Variants in MPZL1 observed in about 807,000 individuals in gnomAD.
MPZL1 encodes the protein myelin protein zero like 1.
MPZL1 carries 16 observed loss-of-function variants against 29.3 expected under a neutral mutation model. The observed-to-expected ratio is 0.55, with a 90% CI of 0.37 to 0.83. MPZL1 has a LOEUF of 0.83. MPZL1 is among the 40% of genes least tolerant of loss of function. The pLI is 0.00. For synonymous variants in MPZL1, 143 were observed against 132.0 expected (o/e 1.08, Z -0.57); for missense variants, 279 against 332.9 (o/e 0.84, Z 1.26).
intron 1 of MPZL1, among the ~76,000 whole-genome samples, chr1:167,746,364 C>G (rs1348920781): frequency 6.6e-6 from 1 of 152,048 alleles, no homozygotes; most frequent in Non-Finnish European, 1.5e-5. Flanking sequence ...TTGAAAGGCT[C>G]TGTGTGCCGT....
Position 167,765,753 on chromosome 1 carries a change from A to G in MPZL1, c.258+4A>G. 1 of 1,592,424 alleles carries G rather than the reference A, an allele frequency of 6.3e-7. No individual in the cohort carries two copies. The highest frequency in any genetic ancestry group is 8.5e-7 in the Non-Finnish European group (1 of 1,170,584). ...GGGGGCCGACACTACTGTGTCGGTA[A>G]GAATGCTTGACTTCTCTTGGCTAGT... On this transcript the variant is annotated splice_donor_region_variant and intron_variant, in intron 2 of 5. Transcript: ENST00000359523.
chr1:167,787,482 A>G (rs1340855930), intron 5 of MPZL1, among the ~76,000 whole-genome samples: 1 of 152,152 alleles, frequency 6.6e-6, no homozygotes, highest in Non-Finnish European at 1.5e-5. Context: ...TCTTACCCCA[A>G]TTGTAAGAGC....
At chr1:167,773,195 G>C in intron 3 of MPZL1, 41 bp from the exon 4 acceptor site, 8 of 1,584,872 alleles carry the variant, frequency 5.0e-6, no homozygotes, top group Non-Finnish European at 6.0e-6. Context: ...TTTTCTCTCT[G>C]TAGCAATGTA....
At position 167,739,276 on chromosome 1, in the gene MPZL1, T is replaced by TATAC. The variant is rs1245395252; in HGVS notation, c.91+17037_91+17038insCATA. On this transcript the variant is annotated intron_variant, in intron 1 of 5. Transcript: ENST00000359523. The stretch of plus-strand genomic sequence containing the variant: ...TAATACATACACATACATATATACA[T>TATAC]ATATACATATATATATATATATATA... Among the ~76,000 whole-genome samples, 71 of 87,674 alleles carry TATAC rather than the reference T, an allele frequency of 8.1e-4. 2 individuals are homozygous for TATAC. The highest frequency in any genetic ancestry group is 3.1e-3 in the Admixed American group (28 of 9,108). 57.5% of individuals were successfully genotyped at this position (87,674 alleles called of 152,430 possible).
intron 1 of MPZL1, among the ~76,000 whole-genome samples, chr1:167,722,755 C>G (rs1204783380): frequency 6.6e-6 from 1 of 152,190 alleles, no homozygotes; most frequent in Non-Finnish European, 1.5e-5. Context: ...CTTTCCCATG[C>G]TCTCATTCAG....
intron 1 of MPZL1, among the ~76,000 whole-genome samples, chr1:167,732,485 T>C (rs750448163): frequency 6.6e-6 from 1 of 152,226 alleles, no homozygotes; most frequent in Non-Finnish European, 1.5e-5. Flanking sequence ...ATGATCAGGC[T>C]GGAGTGCAGT....
rs757960465 is a variant in MPZL1, at chr1:167,765,733, C to G, written c.242C>G (p.Ala81Gly). ...TCCTGGAGCTTCCAGCCAGAGGGGG[C>G]CGACACTACTGTGTCGGTAAGAATG... ...SVSWSFQPEG[A>G]DTTVSFFHYS... Residue 81 changes from alanine (A) to glycine (G), a missense_variant, in exon 2 of 6, where the codon GCC becomes GGC. Transcript: ENST00000359523. 5.6e-6 allele frequency: 9 copies of G among 1,610,620 alleles called. No individual in the cohort carries two copies. The Admixed American group carries it at 1.5e-4, about 27-fold the overall frequency.
At chr1:167,777,774 G>C (rs1661403533) in intron 5 of MPZL1, among the ~76,000 whole-genome samples, 1 of 152,204 alleles carries the variant, frequency 6.6e-6, no homozygotes, top group Non-Finnish European at 1.5e-5. Flanking sequence ...CTAAGAGCCA[G>C]AGTAGAGAGA....
At chr1:167,785,853 C>G (rs577106692) in intron 5 of MPZL1, among the ~76,000 whole-genome samples, 1 of 152,088 alleles carries the variant, frequency 6.6e-6, no homozygotes, top group Non-Finnish European at 1.5e-5. Context: ...AGTGCAGTGG[C>G]GCTATCTTGG....
intron 5 of MPZL1, among the ~76,000 whole-genome samples, chr1:167,781,261 CA>C (rs1170378287): frequency 2.0e-5 from 3 of 152,108 alleles, no homozygotes; most frequent in African/African-American, 7.2e-5. Context: ...AGCTAATAGA[CA>C]TTTATAAAAC....
intron 3 of MPZL1, 145 bp downstream of exon 3, chr1:167,772,633 T>G: frequency 1.5e-6 from 1 of 687,664 alleles, no homozygotes; most frequent in Non-Finnish European, 2.4e-6. Context: ...AACCTGTGGC[T>G]CTACCAAACA....
At chr1:167,726,921 T>G (rs1660159798) in intron 1 of MPZL1, among the ~76,000 whole-genome samples, 1 of 152,192 alleles carries the variant, frequency 6.6e-6, no homozygotes, top group Non-Finnish European at 1.5e-5. Context: ...GGAGCCTAGA[T>G]GCTAGTGAGA....
Position 167,721,990 on chromosome 1 carries a change from G to A in MPZL1, c.-162G>A. ...GGGGCTGAGGCTTCGGTGCAGAGCT[G>A]GAGAGCCGCGGCTGGGACCGGAGTG... is the stretch of plus-strand genomic sequence containing the variant. On this transcript the variant is annotated 5_prime_UTR_variant, in exon 1 of 6. Coordinates refer to ENST00000359523, the MANE Select transcript of MPZL1 (RefSeq NM_003953.6). 1 of 1,065,758 alleles carries A rather than the reference G, an allele frequency of 9.4e-7. No individual in the cohort carries two copies. Among genetic ancestry groups the A allele is most frequent in the Non-Finnish European group, 1.2e-6 (1 of 837,244 alleles). The allele number at this position is 1,065,758 out of a possible 1,614,324, so 66.0% of individuals were successfully genotyped here. A position where few individuals can be genotyped will look rare whatever the true frequency, so the allele number is the denominator to read the frequency against.
chr1:167,766,789 G>A (rs112554223), intron 2 of MPZL1, among the ~76,000 whole-genome samples: 1 of 152,098 alleles, frequency 6.6e-6, no homozygotes, highest in Non-Finnish European at 1.5e-5. Context: ...TTCACCTGTG[G>A]CCATACCACA....
chr1:167,766,779 T>C (rs1381001205), intron 2 of MPZL1, among the ~76,000 whole-genome samples: 5 of 152,180 alleles, frequency 3.3e-5, no homozygotes, highest in East Asian at 1.9e-4. Flanking sequence ...TCAAGAGTTA[T>C]TCACCTGTGG....
Position 167,788,034 on chromosome 1 carries a change from A to AC in MPZL1, c.*114dup, listed in dbSNP as rs1661625312. 1 of 747,076 alleles carries AC rather than the reference A, an allele frequency of 1.3e-6. No individual in the cohort carries two copies. Among genetic ancestry groups the AC allele is most frequent in the Admixed American group, 2.2e-5 (1 of 46,110 alleles). 46.3% of individuals were successfully genotyped at this position (747,076 alleles called of 1,614,324 possible). On this transcript the variant is annotated 3_prime_UTR_variant, in exon 6 of 6. Coordinates refer to ENST00000359523, the MANE Select transcript of MPZL1 (RefSeq NM_003953.6). The stretch of plus-strand genomic sequence containing the variant: ...TGGAGACCCAGGCAAGGACAAGTAC[A>AC]CGTGTACTCACAGAGGGAGAGAAAG...
chr1:167,757,927 A>G (rs1349090469), intron 1 of MPZL1, among the ~76,000 whole-genome samples: 4 of 152,192 alleles, frequency 2.6e-5, no homozygotes, highest in Non-Finnish European at 5.9e-5. Flanking sequence ...AGGCAGGTGG[A>G]TCACTTGAGG....
intron 5 of MPZL1, chr1:167,786,956 A>G (rs1041743975): frequency 6.6e-6 from 1 of 152,164 alleles, no homozygotes; most frequent in African/African-American, 2.4e-5. Flanking sequence ...GCAGCCACCT[A>G]TCTGACCTCT....
intron 1 of MPZL1, among the ~76,000 whole-genome samples, chr1:167,733,979 G>A (rs576534787): frequency 5.9e-5 from 9 of 152,188 alleles, no homozygotes; most frequent in African/African-American, 1.2e-4. Flanking sequence ...ACTGTAGGCC[G>A]GGTGCGGTGG....
Sources: gnomAD v4.1 joint callset for allele counts (sites outside exome capture counted in the v4.1 genomes callset) on GRCh38, gnomAD v4.1.1 for gene constraint, MANE v1.5 for transcripts, NCBI Gene and HGNC (gene_info 2026-07-23, HGNC 2026-07-21) for gene names.